The following ELMO1 variants were observed in gnomAD, a reference collection of about 807,000 sequenced individuals.
ELMO1 encodes engulfment and cell motility protein 1.
In ELMO1, 26 loss-of-function variants were observed where a neutral mutation model predicts 98.9. The observed-to-expected ratio is 0.26, with a 90% CI of 0.19 to 0.36. The LOEUF (loss-of-function observed/expected upper bound fraction) is 0.36. Ranked by LOEUF, ELMO1 falls within the 10% of genes least tolerant of loss-of-function variation. ELMO1 has a pLI of 1.00. For synonymous variants in ELMO1, 346 were observed against 346.0 expected (o/e 1.00, Z 0.00); for missense variants, 627 against 935.2 (o/e 0.67, Z 4.30).
At chr7:37,127,427 G>A (rs948464260) in intron 14 of ELMO1, among the ~76,000 whole-genome samples, 6 of 152,120 alleles carry the variant, frequency 3.9e-5, no homozygotes, top group African/African-American at 7.2e-5. Flanking sequence ...GCCCAGAGAC[G>A]AGGCTACAGA....
chr7:37,372,894 T>C (rs1297372525), intron 1 of ELMO1, among the ~76,000 whole-genome samples: 1 of 152,218 alleles, frequency 6.6e-6, no homozygotes, highest in South Asian at 2.1e-4. Flanking sequence ...ACAATTATCA[T>C]GAGATAACAT....
intron 1 of ELMO1, among the ~76,000 whole-genome samples, chr7:37,438,233 T>C (rs147823954): frequency 2.6e-5 from 4 of 152,138 alleles, no homozygotes; most frequent in Admixed American, 6.5e-5. Flanking sequence ...GAAAATTAAA[T>C]ACAAAATGCA....
At chr7:36,876,306 T>G (rs1803957765) in intron 19 of ELMO1, among the ~76,000 whole-genome samples, 1 of 152,034 alleles carries the variant, frequency 6.6e-6, no homozygotes, top group South Asian at 2.1e-4. Context: ...TAAGATTAGG[T>G]CCTTCTTACT....
At chr7:37,226,040 T>C (rs968629602) in intron 8 of ELMO1, among the ~76,000 whole-genome samples, 3 of 152,092 alleles carry the variant, frequency 2.0e-5, no homozygotes, top group Non-Finnish European at 4.4e-5. Flanking sequence ...TCTTTGCACA[T>C]GATAAATGCA....
intron 4 of ELMO1, among the ~76,000 whole-genome samples, chr7:37,291,625 GACACGTA>G: frequency 6.6e-6 from 1 of 152,180 alleles, no homozygotes; most frequent in Non-Finnish European, 1.5e-5. Flanking sequence ...GCAAATTAAA[GACACGTA>G]GGCCAGGCGT....
At chr7:37,278,029 A>AC (rs1796938543) in intron 4 of ELMO1, among the ~76,000 whole-genome samples, 1 of 150,180 alleles carries the variant, frequency 6.7e-6, no homozygotes, top group African/African-American at 2.5e-5. Flanking sequence ...TTGTATCATG[A>AC]CCCATGCATG....
chr7:37,421,658 G>A (rs1191314454), intron 1 of ELMO1, among the ~76,000 whole-genome samples: 2 of 152,296 alleles, frequency 1.3e-5, no homozygotes, highest in Non-Finnish European at 2.9e-5. Context: ...TGGGTTCTTA[G>A]GGGCTGAATA....
At chr7:37,376,011 G>C in intron 1 of ELMO1, 1 of 494,126 alleles carries the variant, frequency 2.0e-6, no homozygotes, top group South Asian at 2.1e-5. Flanking sequence ...AACATGGTCA[G>C]CCACCTCAGT....
At chr7:37,246,866 C>CTCTATCTATCTATCTATCTATCTA (rs10547342) in intron 6 of ELMO1, among the ~76,000 whole-genome samples, 27 of 151,096 alleles carry the variant, frequency 1.8e-4, no homozygotes, top group African/African-American at 4.9e-4. Context: ...CTATATATAT[C>CTCTATCTATCTATCTATCTATCTA]TCTATCTATC....
intron 17 of ELMO1, among the ~76,000 whole-genome samples, chr7:36,888,374 A>G (rs527994473): frequency 1.2e-4 from 18 of 152,254 alleles, no homozygotes; most frequent in African/African-American, 4.1e-4. Context: ...AATTTTTATC[A>G]TAGGAAATTT....
chr7:36,861,530 G>A (rs1802627479), intron 21 of ELMO1, 129 bp downstream of exon 21: 4 of 1,046,688 alleles, frequency 3.8e-6, no homozygotes, highest in South Asian at 3.2e-5. Flanking sequence ...TCTCCTCCAA[G>A]TCAGCAAGAT....
chr7:37,102,828 T>C (rs1784709792), intron 14 of ELMO1, among the ~76,000 whole-genome samples: 1 of 152,228 alleles, frequency 6.6e-6, no homozygotes, highest in Non-Finnish European at 1.5e-5. Flanking sequence ...ATATTCTTGG[T>C]TACCAATTCC....
intron 1 of ELMO1, among the ~76,000 whole-genome samples, chr7:37,363,592 G>T (rs1801784066): frequency 6.6e-6 from 1 of 152,104 alleles, no homozygotes; most frequent in African/African-American, 2.4e-5. Flanking sequence ...CTCCTACGAT[G>T]AAATGTAGTC....
intron 16 of ELMO1, among the ~76,000 whole-genome samples, chr7:36,928,210 A>G (rs1207911332): frequency 1.3e-5 from 2 of 152,210 alleles, no homozygotes; most frequent in African/African-American, 4.8e-5. Context: ...TTCCCTCTTC[A>G]TGAGAAAACA....
chr7:37,402,254 T>A (rs1803568344), intron 1 of ELMO1, among the ~76,000 whole-genome samples: 1 of 152,018 alleles, frequency 6.6e-6, no homozygotes, highest in Non-Finnish European at 1.5e-5. Context: ...TGAGGCCAGG[T>A]TGTGAGTGAG....
intron 15 of ELMO1, among the ~76,000 whole-genome samples, chr7:37,014,180 C>G (rs914643016): frequency 3.9e-5 from 6 of 152,234 alleles, no homozygotes; most frequent in Middle Eastern, 3.4e-3. Flanking sequence ...TCCTCCTCCT[C>G]CTCCTCCTCA....
At chr7:36,875,137 G>T (rs1803844788) in intron 19 of ELMO1, among the ~76,000 whole-genome samples, 1 of 152,160 alleles carries the variant, frequency 6.6e-6, no homozygotes, top group African/African-American at 2.4e-5. Context: ...TTTTCCAGTG[G>T]AATGAGGTTT....
chr7:36,856,591 G>A (rs761095682), intron 21 of ELMO1, among the ~76,000 whole-genome samples: 11 of 152,126 alleles, frequency 7.2e-5, no homozygotes, highest in Non-Finnish European at 1.6e-4. Context: ...ATCTCTGTGA[G>A]GGAGAAGGAA....
At chr7:37,058,209 C>T (rs771294598) in intron 15 of ELMO1, among the ~76,000 whole-genome samples, 2 of 152,130 alleles carry the variant, frequency 1.3e-5, no homozygotes, top group African/African-American at 2.4e-5. Context: ...GTCCCTTCTC[C>T]TTCTCACTGT....
Sources: allele counts gnomAD v4.1 joint callset (sites outside exome capture counted in the v4.1 genomes callset), GRCh38; gene constraint gnomAD v4.1.1; transcripts MANE v1.5; gene names NCBI Gene and HGNC (gene_info 2026-07-23, HGNC 2026-07-21).